The following FAM187A variants were observed in gnomAD, a reference collection of about 807,000 sequenced individuals.
FAM187A encodes Ig-like V-type domain-containing protein FAM187A.
FAM187A carries 4 observed loss-of-function variants against 6.4 expected under a neutral mutation model. The observed-to-expected ratio is 0.63, with a 90% confidence interval of 0.31 to 1.44. FAM187A has a LOEUF of 1.44. Ranked by LOEUF, FAM187A falls within the 40% of genes most tolerant of loss-of-function variation. FAM187A has a pLI of 0.07. For missense variants in FAM187A, 463 were observed against 542.2 expected, an observed-to-expected ratio of 0.85 and a Z score of 1.45; for synonymous variants, 221 against 213.4, an observed-to-expected ratio of 1.04 and a Z score of -0.31.
At chr17:44,904,585 C>T (rs751672347) in exon 4 of FAM187A, 16 of 1,550,448 alleles carry the variant, frequency 1.0e-5, no homozygotes, top group South Asian at 2.4e-5. Flanking sequence ...TCCGGGAGGG[C>T]GTGCTGGCCA....
chr17:44,905,263 G>A (rs1483237202), exon 4 of FAM187A: 8 of 594,096 alleles, frequency 1.3e-5, no homozygotes, highest in Non-Finnish European at 2.4e-5. Context: ...GAGGCTGGTG[G>A]GAGATTGGGG....
chr17:44,905,238 G>T (rs560244467), exon 4 of FAM187A: 18 of 623,072 alleles, frequency 2.9e-5, no homozygotes, highest in Admixed American at 1.5e-4. Context: ...CCTGATCTGA[G>T]AAGTGGAGGG....
exon 4 of FAM187A, chr17:44,904,637 C>A: frequency 6.4e-7 from 1 of 1,550,526 alleles, no homozygotes; most frequent in Non-Finnish European, 8.7e-7. Context: ...GCCCTGGGTG[C>A]CCCAGGTGCC....
exon 4 of FAM187A, chr17:44,904,909 A>G (rs1296431077): frequency 2.6e-6 from 4 of 1,550,558 alleles, no homozygotes; most frequent in African/African-American, 1.4e-5. Context: ...TGGGTGTGAC[A>G]TCTCATGGGC....
At chr17:44,904,861 T>C in exon 4 of FAM187A, 1 of 1,550,640 alleles carries the variant, frequency 6.4e-7, no homozygotes, top group South Asian at 1.2e-5. Flanking sequence ...GCATCTACTA[T>C]TGCTGGAGGC....
chr17:44,904,121 G>T, exon 4 of FAM187A: 1 of 1,550,528 alleles, frequency 6.4e-7, no homozygotes, highest in South Asian at 1.2e-5. Context: ...TGTGGGCAGC[G>T]ACATGCTGAC....
exon 4 of FAM187A, chr17:44,905,068 C>G: frequency 6.5e-7 from 1 of 1,535,170 alleles, no homozygotes; most frequent in Non-Finnish European, 8.8e-7. Context: ...GCTTCTCCCC[C>G]TAGGAGCTCT....
exon 4 of FAM187A, chr17:44,904,779 A>G (rs753111540): frequency 2.6e-6 from 4 of 1,550,672 alleles, no homozygotes; most frequent in African/African-American, 1.4e-5. Context: ...AAGGGTGTCA[A>G]CAGGTCCATG....
At chr17:44,904,002 A>T (rs2051607219) in exon 4 of FAM187A, 2 of 1,550,520 alleles carry the variant, frequency 1.3e-6, no homozygotes, top group Non-Finnish European at 1.7e-6. Flanking sequence ...TGCAAACCCG[A>T]AGAGGTGCCA....
At chr17:44,903,893 GAGA>G in exon 4 of FAM187A, 1 of 1,550,654 alleles carries the variant, frequency 6.4e-7, no homozygotes, top group Non-Finnish European at 8.7e-7. Flanking sequence ...TGAAATTGTG[GAGA>G]AGGAAAACAT....
chr17:44,903,994 C>A lies in FAM187A; in HGVS notation c.165C>A (p.Cys55Ter), dbSNP rs1392592839. 34 of 1,550,526 alleles carry A rather than the reference C, an allele frequency of 2.2e-5. No individual in the cohort carries two copies. The highest frequency in any genetic ancestry group is 5.9e-5 in the Admixed American group (3 of 50,984). Residue 55 changes from cysteine to a stop codon, truncating the protein, a stop_gained, in exon 4 of 4, where the codon TGC becomes TGA. Transcript: ENST00000331733. LOFTEE classifies it high-confidence loss of function. The stretch of plus-strand genomic sequence containing the variant: ...TGAGCTTTGAGCTTCCCTGTCACTG[C>A]AAACCCGAAGAGGTGCCAGCTGTAG...
rs772792673 is a variant in FAM187A, at chr17:44,904,866, G to A, written c.1037G>A (p.Trp346Ter). The change falls in exon 4 of 4, where the codon TGG becomes TAG. Residue 346 changes from tryptophan (W) to a stop codon, truncating the protein, a stop_gained. Transcript: ENST00000331733. LOFTEE classifies it low-confidence loss of function (END_TRUNC). The stretch of plus-strand genomic sequence containing the variant: ...GATGACCGGGGCATCTACTATTGCT[G>A]GAGGCAGGGTGTGCTAGTTGCTGGC... 52 of 1,550,534 alleles carry A rather than the reference G, an allele frequency of 3.4e-5. No individual in the cohort carries two copies. The highest frequency in any genetic ancestry group is 4.1e-5 in the Non-Finnish European group (47 of 1,146,986).
exon 4 of FAM187A, chr17:44,904,055 A>G (rs1489983885): frequency 6.4e-7 from 1 of 1,550,668 alleles, no homozygotes; most frequent in East Asian, 2.4e-5. Context: ...TAGCAGCCAC[A>G]CCAAAGTGCT....
chr17:44,903,819 C>T (rs1006805289), exon 4 of FAM187A: 2 of 1,546,230 alleles, frequency 1.3e-6, no homozygotes, highest in Admixed American at 2.0e-5. Context: ...TGACCCCTGC[C>T]TCCTTCAGGT....
chr17:44,903,773 A>G lies in FAM187A; in HGVS notation c.-57A>G, dbSNP rs1346119708. On this transcript the variant is annotated 5_prime_UTR_variant, in exon 4 of 4. The change abolishes an upstream ATG in the 5' untranslated region. Coordinates refer to ENST00000331733, the Ensembl canonical transcript of FAM187A. ...CTTAGCAGAGCTTTCTAGGAGCCCT[A>G]TGAGCCTTTAATGCCCTGGTTTTGC... The G allele has an allele frequency of 1.2e-5, 18 of 1,498,626 alleles. No individual in the cohort carries two copies. Among genetic ancestry groups the G allele is most frequent in the Admixed American group, 4.5e-5 (2 of 44,218 alleles). The allele number at this position is 1,498,626 out of a possible 1,614,324, so 92.8% of individuals were successfully genotyped here.
At chr17:44,904,669 A>G in exon 4 of FAM187A, 1 of 1,550,504 alleles carries the variant, frequency 6.4e-7, no homozygotes, top group South Asian at 1.2e-5. Context: ...ACCAGCAGAG[A>G]CTGGGCCATG....
chr17:44,905,253 G>T lies in FAM187A; in HGVS notation c.*182G>T, dbSNP rs1250401586. On this transcript the variant is annotated 3_prime_UTR_variant, in exon 4 of 4. Coordinates refer to ENST00000331733, the Ensembl canonical transcript of FAM187A. ...CCTGATCTGAGAAGTGGAGGGGCCT[G>T]AGGCTGGTGGGAGATTGGGGACTGA... is the stretch of plus-strand genomic sequence containing the variant. The T allele has an allele frequency of 1.2e-5, 7 of 603,464 alleles. No homozygotes were observed. In the East Asian group the frequency reaches 2.0e-4, roughly 17 times the overall value. 37.4% of individuals were successfully genotyped at this position (603,464 alleles called of 1,614,324 possible).
At chr17:44,903,859 G>T in exon 4 of FAM187A, 1 of 1,537,136 alleles carries the variant, frequency 6.5e-7, no homozygotes, top group South Asian at 1.2e-5. Flanking sequence ...CTGTGCTCCT[G>T]TGGGCATGGG....
chr17:44,904,198 C>T (rs780559028), exon 4 of FAM187A: 95 of 1,550,470 alleles, frequency 6.1e-5, no homozygotes, highest in Non-Finnish European at 7.6e-5. Context: ...CAGGCCTGTA[C>T]TTCTGCGGCA....
Sources: allele counts gnomAD v4.1 joint callset, GRCh38; gene constraint gnomAD v4.1.1; transcripts MANE v1.5; gene names NCBI Gene and HGNC (gene_info 2026-07-23, HGNC 2026-07-21).